The following CNTNAP2 variants were observed in gnomAD, a reference collection of about 807,000 sequenced individuals.
CNTNAP2 encodes the protein contactin associated protein 2.
In CNTNAP2, 98 loss-of-function variants were observed where a neutral mutation model predicts 155.2. The ratio of observed to expected loss-of-function variants is 0.63; its 90% CI spans 0.54 to 0.75. The LOEUF is 0.75. CNTNAP2 is among the 30% of genes least tolerant of loss of function. The pLI is 0.00. For synonymous variants in CNTNAP2, 651 were observed against 631.2 expected, an observed-to-expected ratio of 1.03 and a Z score of -0.47; for missense variants, 1,727 against 1,688.1, an observed-to-expected ratio of 1.02 and a Z score of -0.40.
At chr7:147,305,265 G>A (rs1447545799) in intron 9 of CNTNAP2, among the ~76,000 whole-genome samples, 3 of 152,196 alleles carry the variant, frequency 2.0e-5, no homozygotes, top group African/African-American at 7.2e-5. Context: ...GAGCTAACCA[G>A]ATAGGTATGT....
chr7:146,631,693 C>A (rs1238017783), intron 1 of CNTNAP2, among the ~76,000 whole-genome samples: 1 of 152,150 alleles, frequency 6.6e-6, no homozygotes, highest in African/African-American at 2.4e-5. Context: ...AAATGGCACG[C>A]TATTGGACCA....
At chr7:146,210,953 A>G (rs1405078660) in intron 1 of CNTNAP2, among the ~76,000 whole-genome samples, 2 of 152,104 alleles carry the variant, frequency 1.3e-5, no homozygotes, top group Non-Finnish European at 2.9e-5. Flanking sequence ...CTACCCTGAG[A>G]TAAGATTTTG....
At chr7:147,194,680 G>A (rs1006028642) in intron 8 of CNTNAP2, among the ~76,000 whole-genome samples, 2 of 152,142 alleles carry the variant, frequency 1.3e-5, no homozygotes, top group East Asian at 1.9e-4. Flanking sequence ...GATCAGTGAC[G>A]TTGAGCTTTT....
chr7:146,329,227 G>A (rs950819219), intron 1 of CNTNAP2, among the ~76,000 whole-genome samples: 9 of 152,064 alleles, frequency 5.9e-5, no homozygotes, highest in African/African-American at 1.2e-4. Flanking sequence ...TTGGATTTGC[G>A]TTTCCCTGAT....
intron 1 of CNTNAP2, among the ~76,000 whole-genome samples, chr7:146,499,489 T>G (rs1797268588): frequency 2.0e-5 from 3 of 152,242 alleles, no homozygotes; most frequent in African/African-American, 7.2e-5. Context: ...AATTGGAAAC[T>G]GTGAGTTTCA....
intron 8 of CNTNAP2, among the ~76,000 whole-genome samples, chr7:147,155,892 A>G (rs1241528005): frequency 1.3e-5 from 2 of 152,176 alleles, no homozygotes; most frequent in Admixed American, 1.3e-4. Flanking sequence ...ACCTCTGAGT[A>G]CAGGTGCCTG....
chr7:146,509,818 T>A (rs1797440208), intron 1 of CNTNAP2, among the ~76,000 whole-genome samples: 2 of 152,172 alleles, frequency 1.3e-5, no homozygotes, highest in Admixed American at 1.3e-4. Context: ...CATCCAATTC[T>A]GCTGGGAAAG....
rs67223892 is a variant in CNTNAP2 at position 147,010,007 on chromosome 7, CT to C, written c.403-33880del. 7.5e-3 allele frequency among the ~76,000 whole-genome samples: 928 copies of C among 123,662 alleles called. 3 individuals are homozygous for C. Among genetic ancestry groups the C allele is most frequent in the South Asian group, 0.018 (65 of 3,712 alleles). The allele number at this position is 123,662 out of a possible 152,430, so 81.1% of individuals were successfully genotyped here. On this transcript the variant is annotated intron_variant, in intron 3 of 23. Transcript: ENST00000361727. The stretch of plus-strand genomic sequence containing the variant: ...CACACCAGGCGTCTATATCTTGGTT[CT>C]TTTTTTTTTTTTTTTTTTTGAGACA...
chr7:147,417,125 A>G (rs1375753586), intron 10 of CNTNAP2, among the ~76,000 whole-genome samples: 1 of 151,966 alleles, frequency 6.6e-6, no homozygotes, highest in Non-Finnish European at 1.5e-5. Flanking sequence ...TTTATGCTGC[A>G]TATTCATTAT....
At chr7:146,826,857 TAGAGAGAGAG>T (rs1554485885) in intron 2 of CNTNAP2, among the ~76,000 whole-genome samples, 1 of 138,972 alleles carries the variant, frequency 7.2e-6, no homozygotes, top group African/African-American at 2.7e-5. Context: ...TATATATATA[TAGAGAGAGAG>T]AGAGAGAGAG....
chr7:146,785,196 A>G (rs1388926745), intron 2 of CNTNAP2, among the ~76,000 whole-genome samples: 3 of 151,520 alleles, frequency 2.0e-5, no homozygotes, highest in Admixed American at 6.6e-5. Context: ...CTGGTCTCGA[A>G]CTCCTGCACT....
In CNTNAP2 at chr7:146,499,942, G is replaced by A. The variant is rs187092259; in HGVS notation, c.98-274329G>A. Reference sequence around the variant, plus strand: ...ACAAGTCTTACACTTTTGTGTGTATGTGTGTGTAATTTATTCCTAAATATT... The same window carrying A: ...ACAAGTCTTACACTTTTGTGTGTATATGTGTGTAATTTATTCCTAAATATT... On this transcript the variant is annotated intron_variant, in intron 1 of 23. Coordinates refer to ENST00000361727, the MANE Select transcript of CNTNAP2 (RefSeq NM_014141.6). Among the ~76,000 whole-genome samples, 551 of 152,240 alleles carry A rather than the reference G, an allele frequency of 3.6e-3. 6 individuals carry two copies. Among genetic ancestry groups the A allele is most frequent in the African/African-American group, 0.013 (520 of 41,544 alleles).
At position 147,935,185 on chromosome 7, in the gene CNTNAP2, G is replaced by C. The variant is rs568482772; in HGVS notation, c.2255+31464G>C. 5.3e-4 allele frequency among the ~76,000 whole-genome samples: 81 copies of C among 151,754 alleles called. 3 individuals carry two copies. Among genetic ancestry groups the C allele is most frequent in the African/African-American group, 1.9e-3 (77 of 41,370 alleles). ...TTCTGTCGCCAGGCTGCAGTGCAGT[G>C]GTGCGATCTCGGCTCACTGCAATCT... is the stretch of plus-strand genomic sequence containing the variant. On this transcript the variant is annotated intron_variant, in intron 14 of 23. Transcript: ENST00000361727.
chr7:147,552,262 A>G (rs867255110), intron 11 of CNTNAP2, among the ~76,000 whole-genome samples: 6 of 152,164 alleles, frequency 3.9e-5, no homozygotes, highest in Admixed American at 6.6e-5. Flanking sequence ...CAAATTTTGA[A>G]GCTCACATTT....
At chr7:148,092,914 T>G (rs947267711) in intron 15 of CNTNAP2, among the ~76,000 whole-genome samples, 4 of 151,010 alleles carry the variant, frequency 2.6e-5, no homozygotes, top group African/African-American at 9.7e-5. Flanking sequence ...CACAAAGCTT[T>G]GGTCCAGGTG....
chr7:147,879,440 A>G (rs1018848650), intron 13 of CNTNAP2, among the ~76,000 whole-genome samples: 1 of 151,796 alleles, frequency 6.6e-6, no homozygotes, highest in Non-Finnish European at 1.5e-5. Context: ...ATTACAGCTT[A>G]CTAATTCTGG....
At chr7:146,294,065 A>G (rs1800474613) in intron 1 of CNTNAP2, among the ~76,000 whole-genome samples, 1 of 152,184 alleles carries the variant, frequency 6.6e-6, no homozygotes, top group Non-Finnish European at 1.5e-5. Flanking sequence ...ATTTGTCTTC[A>G]TTCACTCCAT....
At chr7:147,682,149 A>G (rs1382472431) in intron 13 of CNTNAP2, among the ~76,000 whole-genome samples, 1 of 151,924 alleles carries the variant, frequency 6.6e-6, no homozygotes, top group African/African-American at 2.4e-5. Context: ...TCTTCTAGCC[A>G]TACTCCAGTA....
At chr7:147,372,505 T>G (rs1463951319) in intron 9 of CNTNAP2, among the ~76,000 whole-genome samples, 2 of 152,110 alleles carry the variant, frequency 1.3e-5, no homozygotes, top group Non-Finnish European at 2.9e-5. Context: ...TCCCAGGAAC[T>G]TTTTTCTCCC....
Sources: allele counts gnomAD v4.1 joint callset (sites outside exome capture counted in the v4.1 genomes callset), GRCh38; gene constraint gnomAD v4.1.1; transcripts MANE v1.5; gene names NCBI Gene and HGNC (gene_info 2026-07-23, HGNC 2026-07-21).